TMEM108: variants seen among roughly 807,000 people sequenced by gnomAD.
TMEM108 encodes transmembrane protein 108.
Under a neutral mutation model 35.1 loss-of-function variants are expected in TMEM108, and 12 were observed. The observed-to-expected ratio is 0.34, with a 90% CI of 0.22 to 0.55. The LOEUF is 0.55. TMEM108 is among the 20% of genes least tolerant of loss of function. TMEM108 has a pLI of 0.89. For synonymous variants in TMEM108, 287 were observed against 308.6 expected (o/e 0.93, Z 0.73); for missense variants, 680 against 753.3 (o/e 0.90, Z 1.14).
intron 3 of TMEM108, among the ~76,000 whole-genome samples, chr3:133,368,467 GC>G (rs1201483536): frequency 1.3e-5 from 2 of 152,142 alleles, no homozygotes; most frequent in Non-Finnish European, 2.9e-5. Flanking sequence ...GCTTACCATG[GC>G]GGGAGCAATT....
At chr3:133,240,118 T>C (rs1167559996) in intron 3 of TMEM108, among the ~76,000 whole-genome samples, 1 of 152,252 alleles carries the variant, frequency 6.6e-6, no homozygotes, top group African/African-American at 2.4e-5. Context: ...TTTTTTCTTA[T>C]GCTGTGTAAT....
intron 3 of TMEM108, among the ~76,000 whole-genome samples, chr3:133,338,019 A>G (rs1294678893): frequency 6.6e-6 from 1 of 152,148 alleles, no homozygotes; most frequent in Non-Finnish European, 1.5e-5. Flanking sequence ...GAGGCAAAAG[A>G]AAAAAGAACA....
At chr3:133,041,542 T>C (rs1475754733) in intron 1 of TMEM108, among the ~76,000 whole-genome samples, 2 of 152,032 alleles carry the variant, frequency 1.3e-5, no homozygotes, top group Admixed American at 6.6e-5. Flanking sequence ...TCAAAGAAAA[T>C]AGTTCTGAAA....
chr3:133,263,844 A>G lies in TMEM108; in HGVS notation c.40+34493A>G, dbSNP rs116943410. 7.9e-5 allele frequency among the ~76,000 whole-genome samples: 12 copies of G among 152,294 alleles called. No individual in the cohort carries two copies. The East Asian group carries it at 2.1e-3, about 27-fold the overall frequency. On this transcript the variant is annotated intron_variant, in intron 3 of 5. Coordinates refer to ENST00000321871, the MANE Select transcript of TMEM108 (RefSeq NM_023943.4). ...AAAAGGCACATCCAGTTCAGAAATAATTGTTTTTTTCCTTTAACTTGAGCC... is the reference window on the plus strand; with the variant it reads ...AAAAGGCACATCCAGTTCAGAAATAGTTGTTTTTTTCCTTTAACTTGAGCC...
chr3:133,105,567 AG>A (rs1944139594), intron 2 of TMEM108, among the ~76,000 whole-genome samples: 1 of 152,186 alleles, frequency 6.6e-6, no homozygotes, highest in South Asian at 2.1e-4. Flanking sequence ...CCTTCACTGC[AG>A]TACCTGGGTT....
chr3:133,222,090 G>A (rs1248555250), intron 2 of TMEM108, among the ~76,000 whole-genome samples: 1 of 152,128 alleles, frequency 6.6e-6, no homozygotes, highest in Non-Finnish European at 1.5e-5. Context: ...AGCAGTTCTT[G>A]TAAGACACGC....
At chr3:133,225,106 G>C (rs59775490) in intron 2 of TMEM108, among the ~76,000 whole-genome samples, 7 of 147,690 alleles carry the variant, frequency 4.7e-5, no homozygotes, top group Non-Finnish European at 7.4e-5. Context: ...GTGCAATGGC[G>C]TGCAATCTTG....
chr3:133,379,720 A>G (rs1216671682), intron 3 of TMEM108, 32 bp from the exon 4 acceptor site: 2 of 1,598,982 alleles, frequency 1.3e-6, no homozygotes, highest in African/African-American at 1.3e-5. Context: ...CTCCCCAAGT[A>G]TTTTACCTCT....
At chr3:133,386,902 G>A in intron 4 of TMEM108, 2 of 708,850 alleles carry the variant, frequency 2.8e-6, no homozygotes, top group Non-Finnish European at 3.5e-6. Context: ...TCAGTTACCT[G>A]TTCTGAAAAT....
At chr3:133,042,657 G>A (rs1371414464) in intron 1 of TMEM108, among the ~76,000 whole-genome samples, 2 of 152,156 alleles carry the variant, frequency 1.3e-5, no homozygotes, top group African/African-American at 4.8e-5. Context: ...ATTACCTTAG[G>A]ATCCTAACAG....
At chr3:133,154,113 A>T (rs535291753) in intron 2 of TMEM108, among the ~76,000 whole-genome samples, 1 of 151,650 alleles carries the variant, frequency 6.6e-6, no homozygotes, top group African/African-American at 2.4e-5. Context: ...GTTCATATCC[A>T]TCGCCCACTT....
intron 3 of TMEM108, among the ~76,000 whole-genome samples, chr3:133,242,203 T>A (rs1307539725): frequency 6.6e-6 from 1 of 152,192 alleles, no homozygotes; most frequent in Non-Finnish European, 1.5e-5. Context: ...AGTAAGATCA[T>A]ATTCAGAGGT....
intron 3 of TMEM108, among the ~76,000 whole-genome samples, chr3:133,318,535 A>G: frequency 6.6e-6 from 1 of 152,204 alleles, no homozygotes; most frequent in East Asian, 1.9e-4. Context: ...TCCAGAATCT[A>G]TGAACTTTGC....
intron 3 of TMEM108, among the ~76,000 whole-genome samples, chr3:133,315,461 A>ACAGAAATGCTTGGCCC (rs1209722929): frequency 6.6e-6 from 1 of 152,208 alleles, no homozygotes; most frequent in African/African-American, 2.4e-5. Context: ...CTGTGTCCCC[A>ACAGAAATGCTTGGCCC]CAGAAATGCT....
At position 133,395,878 on chromosome 3, in the gene TMEM108, G is replaced by A. The variant is rs1401314380; in HGVS notation, c.1620G>A (p.Glu540=). 2.5e-6 allele frequency: 4 copies of A among 1,587,158 alleles called. No individual in the cohort carries two copies. Among genetic ancestry groups the A allele is most frequent in the South Asian group, 1.2e-5 (1 of 86,800 alleles). The change falls in exon 6 of 6, where the codon GAG becomes GAA. Residue 540 remains glutamate, a synonymous_variant. Transcript: ENST00000321871. ...SLETSEDQLS[E]PRSPANGDYR... ...TCTCTTCCCAGGACCAGCTCTCAGA[G>A]CCCCGCTCCCCAGCCAATGGCGACT...
rs953047657 is a variant in TMEM108 at position 133,386,978 on chromosome 3, G to A, written c.1451-3202G>A. The A allele has an allele frequency of 1.2e-5, 12 of 984,364 alleles. No individual in the cohort carries two copies. The African/African-American group carries it at 1.9e-4, about 16-fold the overall frequency. 61.0% of individuals were successfully genotyped at this position (984,364 alleles called of 1,614,324 possible). ...GGCTAAATAAGCTTCAAAGTGCCTG[G>A]GTCAGTGCTGGGAATATAGTAGAGA... On this transcript the variant is annotated intron_variant, in intron 4 of 5. Coordinates refer to ENST00000321871, the MANE Select transcript of TMEM108 (RefSeq NM_023943.4).
At chr3:133,163,612 T>C (rs1054680319) in intron 2 of TMEM108, among the ~76,000 whole-genome samples, 2 of 152,118 alleles carry the variant, frequency 1.3e-5, no homozygotes, top group Non-Finnish European at 2.9e-5. Context: ...GGGCTCACAC[T>C]CATTCCTCTA....
At chr3:133,175,858 T>C (rs1174743678) in intron 2 of TMEM108, among the ~76,000 whole-genome samples, 2 of 152,194 alleles carry the variant, frequency 1.3e-5, no homozygotes, top group Non-Finnish European at 2.9e-5. Flanking sequence ...AATGCTTCAA[T>C]TAAAAGACAC....
rs919937500 is a variant in TMEM108, at chr3:133,211,723, C to CA, written c.-46-17542dup. 1.8e-4 allele frequency among the ~76,000 whole-genome samples: 27 copies of CA among 152,146 alleles called. 1 individual carries two copies. Among genetic ancestry groups the CA allele is most frequent in the Admixed American group, 1.8e-3 (27 of 15,284 alleles). On this transcript the variant is annotated intron_variant, in intron 2 of 5. Transcript: ENST00000321871. ...TGCTGACCTCAGTGGCTGTGGAGAG[C>CA]AGAACACCCTCCCTCAACAAATGCA...
Sources: allele counts gnomAD v4.1 joint callset (sites outside exome capture counted in the v4.1 genomes callset), GRCh38; gene constraint gnomAD v4.1.1; transcripts MANE v1.5; gene names NCBI Gene and HGNC (gene_info 2026-07-23, HGNC 2026-07-21).